The following TENM3 variants were observed in gnomAD, a reference collection of about 807,000 sequenced individuals.
The protein encoded by TENM3 is teneurin-3.
Under a neutral mutation model 255.1 loss-of-function variants are expected in TENM3, and 63 were observed. The observed-to-expected ratio is 0.25, with a 90% CI of 0.20 to 0.30. The LOEUF (loss-of-function observed/expected upper bound fraction) is 0.30. Ranked by LOEUF, TENM3 falls within the 10% of genes least tolerant of loss-of-function variation. TENM3 has a pLI of 1.00. For missense variants in TENM3, 2,929 were observed against 3,461.1 expected, an observed-to-expected ratio of 0.85 and a Z score of 3.86; for synonymous variants, 1,306 against 1,322.3, an observed-to-expected ratio of 0.99 and a Z score of 0.27.
At chr4:182,444,281 T>C (rs1377846795) in intron 3 of TENM3, among the ~76,000 whole-genome samples, 1 of 152,220 alleles carries the variant, frequency 6.6e-6, no homozygotes, top group Non-Finnish European at 1.5e-5. Context: ...GAAAGTTATG[T>C]GCTACTGACA....
At chr4:181,478,878 C>T in the TENM3 span, among the ~76,000 whole-genome samples, 2 of 151,998 alleles carry the variant, frequency 1.3e-5, no homozygotes, top group African/African-American at 2.4e-5. Context: ...TTAATGCTTC[C>T]CTGAGAGAAT....
chr4:181,915,233 T>C, the TENM3 span, among the ~76,000 whole-genome samples: 1 of 152,184 alleles, frequency 6.6e-6, no homozygotes, highest in South Asian at 2.1e-4. Context: ...TCCTGCTCCT[T>C]TACCAGCTTG....
At chr4:182,263,494 T>G (rs1194434177) in intron 1 of TENM3, among the ~76,000 whole-genome samples, 1 of 152,166 alleles carries the variant, frequency 6.6e-6, no homozygotes, top group African/African-American at 2.4e-5. Context: ...TATGAGATGT[T>G]AACTGCTGTT....
chr4:182,036,208 T>C, the TENM3 span, among the ~76,000 whole-genome samples: 2 of 152,172 alleles, frequency 1.3e-5, no homozygotes, highest in Non-Finnish European at 2.9e-5. Flanking sequence ...ATTTTTTTTT[T>C]CAAGATGGAG....
chr4:182,013,097 T>C, the TENM3 span, among the ~76,000 whole-genome samples: 6 of 152,326 alleles, frequency 3.9e-5, no homozygotes, highest in East Asian at 1.2e-3. Flanking sequence ...CTTGAATGAA[T>C]GGCGAGCATT....
chr4:181,999,580 T>C, the TENM3 span, among the ~76,000 whole-genome samples: 1 of 152,198 alleles, frequency 6.6e-6, no homozygotes, highest in Non-Finnish European at 1.5e-5. Flanking sequence ...AATATGAGTT[T>C]ATATTATCTG....
At chr4:181,725,958 G>C in the TENM3 span, among the ~76,000 whole-genome samples, 1 of 151,960 alleles carries the variant, frequency 6.6e-6, no homozygotes, top group Admixed American at 6.6e-5. Flanking sequence ...AAATATCTTT[G>C]CCTGCCGTTC....
At chr4:182,507,630 A>G (rs999770408) in intron 3 of TENM3, among the ~76,000 whole-genome samples, 9 of 152,192 alleles carry the variant, frequency 5.9e-5, no homozygotes, top group African/African-American at 1.9e-4. Flanking sequence ...TACTCATTCT[A>G]TGGGAGAAGT....
At chr4:181,553,311 T>A in the TENM3 span, among the ~76,000 whole-genome samples, 2 of 116,846 alleles carry the variant, frequency 1.7e-5, no homozygotes, top group Admixed American at 9.6e-5. Flanking sequence ...TGTGTGTGTA[T>A]GTGTATGCGT....
chr4:181,497,811 T>A, the TENM3 span, among the ~76,000 whole-genome samples: 1 of 152,212 alleles, frequency 6.6e-6, no homozygotes, highest in Non-Finnish European at 1.5e-5. Context: ...TTCACATTTG[T>A]TGCTAACCAA....
the TENM3 span, among the ~76,000 whole-genome samples, chr4:181,701,901 A>G: frequency 6.6e-6 from 1 of 152,218 alleles, no homozygotes; most frequent in Non-Finnish European, 1.5e-5. Flanking sequence ...TGCTCGGGGA[A>G]CAGGAGGCTT....
chr4:182,189,046 A>C (rs1753344084), intron 1 of TENM3, among the ~76,000 whole-genome samples: 1 of 152,186 alleles, frequency 6.6e-6, no homozygotes, highest in African/African-American at 2.4e-5. Context: ...GAAAGTAAAT[A>C]AGTAAATGGA....
At chr4:182,075,807 G>A in the TENM3 span, among the ~76,000 whole-genome samples, 1 of 152,234 alleles carries the variant, frequency 6.6e-6, no homozygotes, top group Non-Finnish European at 1.5e-5. Context: ...GTTTCATCGT[G>A]TGCTTCCCAA....
intron 4 of TENM3, among the ~76,000 whole-genome samples, chr4:182,625,530 C>T (rs1476303873): frequency 3.3e-5 from 5 of 152,132 alleles, no homozygotes; most frequent in East Asian, 1.9e-4. Flanking sequence ...TCCACGAAAC[C>T]GGTCCCTGGT....
At chr4:182,442,448 A>G (rs1772559916) in intron 3 of TENM3, among the ~76,000 whole-genome samples, 1 of 152,218 alleles carries the variant, frequency 6.6e-6, no homozygotes, top group South Asian at 2.1e-4. Context: ...GCCACTATAG[A>G]CAACTACCCA....
In TENM3 at chr4:182,209,114, C is replaced by T. The variant is rs117026187; in HGVS notation, c.-76+64360C>T. The stretch of plus-strand genomic sequence containing the variant: ...TCCCAGGTAGCTGGGATTACAGGTG[C>T]GCGGCACCATGCCCGGCCAATTTTT... On this transcript the variant is annotated intron_variant, in intron 1 of 2. Transcript: ENST00000512480. 1.6e-3 allele frequency among the ~76,000 whole-genome samples: 250 copies of T among 152,066 alleles called. 2 individuals carry two copies. The highest frequency in any genetic ancestry group is 0.016 in the East Asian group (82 of 5,144).
At chr4:182,495,334 T>C (rs1222564634) in intron 3 of TENM3, among the ~76,000 whole-genome samples, 1 of 152,226 alleles carries the variant, frequency 6.6e-6, no homozygotes, top group African/African-American at 2.4e-5. Flanking sequence ...TGTTTATTTT[T>C]CACCTTGGTC....
the TENM3 span, among the ~76,000 whole-genome samples, chr4:181,775,848 A>G: frequency 6.6e-6 from 1 of 152,166 alleles, no homozygotes; most frequent in Admixed American, 6.6e-5. Flanking sequence ...TGTTATATGC[A>G]TAGGATTTGT....
intron 3 of TENM3, among the ~76,000 whole-genome samples, chr4:182,377,417 G>A (rs1043365877): frequency 6.6e-6 from 1 of 152,080 alleles, no homozygotes; most frequent in African/African-American, 2.4e-5. Context: ...GGGTTCAAGC[G>A]ATTCTCGTGC....
Sources: gnomAD v4.1 joint callset for allele counts (sites outside exome capture counted in the v4.1 genomes callset) on GRCh38, gnomAD v4.1.1 for gene constraint, MANE v1.5 for transcripts, NCBI Gene and HGNC (gene_info 2026-07-23, HGNC 2026-07-21) for gene names.